SLC7A7: variants seen among roughly 807,000 people sequenced by gnomAD.
SLC7A7 encodes solute carrier family 7 member 7, also known as Y+L amino acid transporter 1.
SLC7A7 carries 39 observed loss-of-function variants against 47.9 expected under a neutral mutation model. The ratio of observed to expected loss-of-function variants is 0.81; its 90% CI spans 0.63 to 1.06. The LOEUF is 1.06. SLC7A7 is among the 50% of genes least tolerant of loss of function. The pLI is 0.00. For synonymous variants in SLC7A7, 234 were observed against 242.8 expected (o/e 0.96, Z 0.34); for missense variants, 588 against 632.0 (o/e 0.93, Z 0.75).
chr14:22,792,363 G>A (rs180729104), intron 2 of SLC7A7, among the ~76,000 whole-genome samples: 5 of 152,202 alleles, frequency 3.3e-5, no homozygotes, highest in Admixed American at 3.3e-4. Flanking sequence ...AGGAGTTGGA[G>A]ACCAGCCTGG....
intron 4 of SLC7A7, among the ~76,000 whole-genome samples, chr14:22,777,015 T>C (rs1228344105): frequency 6.7e-6 from 1 of 149,670 alleles, no homozygotes; most frequent in Admixed American, 6.7e-5. Flanking sequence ...TGGTGGTGCA[T>C]GCCTGTAATC....
chr14:22,808,545 G>A (rs559631955), intron 2 of SLC7A7, among the ~76,000 whole-genome samples: 16 of 152,216 alleles, frequency 1.1e-4, no homozygotes, highest in East Asian at 5.8e-4. Context: ...AATGGCTCAC[G>A]CCCGTAATCC....
intron 2 of SLC7A7, among the ~76,000 whole-genome samples, chr14:22,781,061 C>T (rs774441856): frequency 2.0e-5 from 3 of 152,150 alleles, no homozygotes; most frequent in Non-Finnish European, 2.9e-5. Context: ...CATAGCGAAT[C>T]GCTTCATTGC....
chr14:22,803,199 C>A (rs1267235110), intron 2 of SLC7A7, among the ~76,000 whole-genome samples: 1 of 152,106 alleles, frequency 6.6e-6, no homozygotes, highest in African/African-American at 2.4e-5. Flanking sequence ...GCGGGCAGAT[C>A]GCCTGAGGTC....
intron 2 of SLC7A7, among the ~76,000 whole-genome samples, chr14:22,802,330 G>A (rs1428781081): frequency 6.6e-6 from 1 of 152,104 alleles, no homozygotes; most frequent in Non-Finnish European, 1.5e-5. Context: ...TTGAACCCGG[G>A]AGGCAGAGGT....
rs1555320349 is a variant in SLC7A7 at position 22,773,953 on chromosome 14, A to T, written c.1409T>A (p.Leu470His). 6.2e-7 allele frequency: 1 copy of T among 1,614,202 alleles called. No individual in the cohort carries two copies. ...CTTACCCACGATCCTTCGGAGGTAA[A>T]GCGGTCGCTTATGTTCTGGCACTCT... ...IIRVPEHKRP[L>H]YLRRIVGSAT... The change falls in exon 9 of 10, where the codon CTT (leucine) becomes CAT (histidine). Residue 470 changes from leucine (L) to histidine (H), a missense_variant. Physicochemically the swap from Leu to His is moderately conservative, Grantham distance 99. Transcript: ENST00000674313.
At chr14:22,792,512 C>T (rs1194220455) in intron 2 of SLC7A7, among the ~76,000 whole-genome samples, 1 of 152,058 alleles carries the variant, frequency 6.6e-6, no homozygotes, top group Non-Finnish European at 1.5e-5. Context: ...AACCATGCTA[C>T]TGCACACCAG....
intron 2 of SLC7A7, among the ~76,000 whole-genome samples, chr14:22,790,760 G>A (rs2038909758): frequency 6.6e-6 from 1 of 152,124 alleles, no homozygotes; most frequent in African/African-American, 2.4e-5. Flanking sequence ...AGCACTTTGG[G>A]AGGCGGAGGC....
intron 2 of SLC7A7, among the ~76,000 whole-genome samples, chr14:22,788,913 A>G (rs2065135): frequency 0.74 from 112,483 of 151,940 alleles, 41,943 homozygotes; most frequent in East Asian, 0.82. Context: ...GAAGAGCATA[A>G]GAAGGGCTCA....
intron 2 of SLC7A7, among the ~76,000 whole-genome samples, chr14:22,784,555 A>C (rs2038780010): frequency 6.6e-6 from 1 of 151,880 alleles, no homozygotes; most frequent in Admixed American, 6.6e-5. Flanking sequence ...GAGGCGGAGG[A>C]TGCAGTGAGC....
chr14:22,793,430 G>A (rs914180607), intron 2 of SLC7A7, among the ~76,000 whole-genome samples: 1 of 152,154 alleles, frequency 6.6e-6, no homozygotes, highest in African/African-American at 2.4e-5. Context: ...TAGACAAAGA[G>A]GATAACAGCC....
At chr14:22,775,135 C>T (rs183509886) in intron 7 of SLC7A7, among the ~76,000 whole-genome samples, 74 of 152,136 alleles carry the variant, frequency 4.9e-4, no homozygotes, top group African/African-American at 1.7e-3. Context: ...ACCCTCTACT[C>T]CCATGGAAGT....
At chr14:22,790,998 CAA>C (rs34516291) in intron 2 of SLC7A7, among the ~76,000 whole-genome samples, 23 of 113,216 alleles carry the variant, frequency 2.0e-4, no homozygotes, top group African/African-American at 2.0e-4. Context: ...CTCCGTCTCA[CAA>C]AAAAAAAAAA....
rs866437643 is a variant in SLC7A7, at chr14:22,812,912, C to T, written c.487G>A (p.Ala163Thr). The part of the protein sequence containing the change: ...APYAASRLLA[A>T]ACICLLTFIN... ...CAGCCCCACTTACAAATGCAGGCAGCAGCCAGCAGGCGGCTGGCAGCATAA... is the reference window on the plus strand; with the variant it reads ...CAGCCCCACTTACAAATGCAGGCAGTAGCCAGCAGGCGGCTGGCAGCATAA... Residue 163 changes from alanine (A) to threonine (T), a missense_variant, in exon 2 of 10, where the codon GCT becomes ACT. Ala to Thr is a moderately conservative substitution (Grantham distance 58). Transcript: ENST00000674313. 1 of 1,613,306 alleles carries T rather than the reference C, an allele frequency of 6.2e-7. No homozygotes were observed. The highest frequency in any genetic ancestry group is 2.2e-5 in the East Asian group (1 of 44,872).
In SLC7A7 at chr14:22,773,451, T is replaced by C. The variant is rs1362072328; in HGVS notation, c.*159A>G. On this transcript the variant is annotated 3_prime_UTR_variant, in exon 10 of 10. Transcript: ENST00000674313. ...AACAGTATGTAGCAAAACAAATAAA[T>C]TACTTTTCATTTCAAAAAGTAAGTT... 2 of 718,428 alleles carry C rather than the reference T, an allele frequency of 2.8e-6. No individual in the cohort carries two copies. Among genetic ancestry groups the C allele is most frequent in the Admixed American group, 2.0e-5 (1 of 49,870 alleles). The allele number at this position is 718,428 out of a possible 1,614,324, so 44.5% of individuals were successfully genotyped here. A position where few individuals can be genotyped will look rare whatever the true frequency, so the allele number is the denominator to read the frequency against.
chr14:22,795,448 TA>T (rs771160603), intron 2 of SLC7A7, among the ~76,000 whole-genome samples: 25,575 of 53,564 alleles, frequency 0.48, 3,524 homozygotes, highest in Non-Finnish European at 0.55. Flanking sequence ...CTTTCTTTTC[TA>T]TTCTTTTCTT....
At chr14:22,819,135 A>C (rs1176740794), upstream of SLC7A7, among the ~76,000 whole-genome samples, 1 of 152,072 alleles carries the variant, frequency 6.6e-6, no homozygotes, top group Non-Finnish European at 1.5e-5. Flanking sequence ...ACCAAAACAC[A>C]ATTTCTCCAG....
upstream of SLC7A7, among the ~76,000 whole-genome samples, chr14:22,818,828 G>A (rs572739261): frequency 2.0e-4 from 30 of 151,900 alleles, no homozygotes; most frequent in African/African-American, 5.8e-4. Flanking sequence ...TCCTGACCTC[G>A]TGATCCTCCC....
intron 2 of SLC7A7, among the ~76,000 whole-genome samples, chr14:22,804,721 G>T (rs527862955): frequency 6.6e-6 from 1 of 152,282 alleles, no homozygotes; most frequent in African/African-American, 2.4e-5. Flanking sequence ...AGTCAGGCAT[G>T]GTGGTTCACA....
Sources: gnomAD v4.1 joint callset for allele counts (sites outside exome capture counted in the v4.1 genomes callset) on GRCh38, gnomAD v4.1.1 for gene constraint, MANE v1.5 for transcripts, NCBI Gene and HGNC (gene_info 2026-07-23, HGNC 2026-07-21) for gene names.